Variants in LRRTM4 observed in about 807,000 individuals in gnomAD.
LRRTM4 encodes leucine-rich repeat transmembrane neuronal protein 4.
Under a neutral mutation model 47.6 loss-of-function variants are expected in LRRTM4, and 25 were observed. That is an observed-to-expected ratio of 0.53 (90% CI 0.38 to 0.73). The LOEUF is 0.73. LRRTM4 is among the 30% of genes least tolerant of loss of function. The probability of loss-of-function intolerance (pLI) is 0.00; values close to 1 mark genes in which losing one functional copy is unlikely to be tolerated. For synonymous variants in LRRTM4, 311 were observed against 269.5 expected, an observed-to-expected ratio of 1.15 and a Z score of -1.51; for missense variants, 638 against 713.4, an observed-to-expected ratio of 0.89 and a Z score of 1.20.
chr2:77,328,056 G>A (rs190517272), intron 3 of LRRTM4, among the ~76,000 whole-genome samples: 87 of 152,248 alleles, frequency 5.7e-4, no homozygotes, highest in Non-Finnish European at 1.1e-3. Context: ...ATCAAAATAC[G>A]TGTGTTGAGA....
chr2:77,232,589 G>A (rs778100554), intron 3 of LRRTM4, among the ~76,000 whole-genome samples: 2 of 152,090 alleles, frequency 1.3e-5, no homozygotes, highest in Admixed American at 6.5e-5. Flanking sequence ...ACTTTAATCC[G>A]AACTTCTTTG....
In LRRTM4 at chr2:76,756,300, G is replaced by A. The variant is rs145022860; in HGVS notation, c.1552-7384C>T. On this transcript the variant is annotated intron_variant, in intron 3 of 3. Transcript: ENST00000409884. ...CTATGACCTGTAAGCCCTGGCTTCC[G>A]TATATTCTGACTTTTTTGGGCCAAA... Among the ~76,000 whole-genome samples, 680 of 152,166 alleles carry A rather than the reference G, an allele frequency of 4.5e-3. 14 individuals are homozygous for A. In the South Asian group the frequency reaches 0.061, roughly 14 times the overall value.
chr2:77,193,393 A>G (rs2103883517), intron 3 of LRRTM4, among the ~76,000 whole-genome samples: 1 of 152,336 alleles, frequency 6.6e-6, no homozygotes, highest in South Asian at 2.1e-4. Flanking sequence ...ATTGTTGAAA[A>G]AATTTAAATA....
intron 3 of LRRTM4, among the ~76,000 whole-genome samples, chr2:77,418,395 C>T (rs1674731071): frequency 6.6e-6 from 1 of 152,058 alleles, no homozygotes; most frequent in Admixed American, 6.6e-5. Context: ...ATCAAAGATA[C>T]CTACAAATTT....
At chr2:76,771,382 C>A (rs563229299) in intron 3 of LRRTM4, among the ~76,000 whole-genome samples, 1 of 152,188 alleles carries the variant, frequency 6.6e-6, no homozygotes, top group Admixed American at 6.5e-5. Flanking sequence ...CAGAACTACT[C>A]CATCTGATTT....
intron 3 of LRRTM4, among the ~76,000 whole-genome samples, chr2:77,312,801 A>G (rs916490539): frequency 1.3e-5 from 2 of 152,202 alleles, no homozygotes; most frequent in African/African-American, 2.4e-5. Flanking sequence ...TCTAATTATG[A>G]TAGAGATTTG....
chr2:76,991,581 T>C (rs1677011291), intron 3 of LRRTM4, among the ~76,000 whole-genome samples: 1 of 151,598 alleles, frequency 6.6e-6, no homozygotes, highest in Non-Finnish European at 1.5e-5. Flanking sequence ...CAAAGATTGA[T>C]ACAGGAAGAA....
intron 3 of LRRTM4, among the ~76,000 whole-genome samples, chr2:77,004,909 T>G (rs1677578331): frequency 6.6e-6 from 1 of 152,204 alleles, no homozygotes; most frequent in African/African-American, 2.4e-5. Context: ...GATTTCTGAC[T>G]TGCATGGGGC....
Position 77,248,203 on chromosome 2 carries a change from A to T in LRRTM4, c.1551+270115T>A, listed in dbSNP as rs557912450. Among the ~76,000 whole-genome samples, 7 of 151,664 alleles carry T rather than the reference A, an allele frequency of 4.6e-5. No individual in the cohort carries two copies. The East Asian group carries it at 1.4e-3, about 29-fold the overall frequency. On this transcript the variant is annotated intron_variant, in intron 3 of 3. Coordinates refer to ENST00000409884, the MANE Select transcript of LRRTM4 (RefSeq NM_001134745.3). The stretch of plus-strand genomic sequence containing the variant: ...CATGTTTATAATAATATATGAATAC[A>T]AAATAATTGTGTGTTTTATGTGAGT...
chr2:76,811,957 AT>A (rs1670746856), intron 3 of LRRTM4, among the ~76,000 whole-genome samples: 1 of 152,150 alleles, frequency 6.6e-6, no homozygotes, highest in Non-Finnish European at 1.5e-5. Flanking sequence ...TACTTTTCTT[AT>A]GTTAAGCCCC....
chr2:76,793,998 T>C (rs1675119610), intron 3 of LRRTM4, among the ~76,000 whole-genome samples: 1 of 152,228 alleles, frequency 6.6e-6, no homozygotes, highest in Admixed American at 6.5e-5. Flanking sequence ...AATATTTTTC[T>C]GTGTGTCTCT....
chr2:77,499,145 G>A (rs1302156334), intron 3 of LRRTM4, among the ~76,000 whole-genome samples: 2 of 151,834 alleles, frequency 1.3e-5, no homozygotes. Flanking sequence ...AGACACCATT[G>A]GTTGTCATGA....
At chr2:76,761,752 C>T (rs1015256081) in intron 3 of LRRTM4, among the ~76,000 whole-genome samples, 5 of 151,908 alleles carry the variant, frequency 3.3e-5, no homozygotes, top group Non-Finnish European at 5.9e-5. Flanking sequence ...TTCCATCAAG[C>T]GATAAATTTA....
intron 3 of LRRTM4, among the ~76,000 whole-genome samples, chr2:77,411,451 CTTTT>C (rs138496739): frequency 0.045 from 5,198 of 115,610 alleles, 145 homozygotes; most frequent in East Asian, 0.17. Context: ...TCTCTTTCTT[CTTTT>C]TTTTTTTTTT....
At chr2:77,337,397 G>A (rs1671205124) in intron 3 of LRRTM4, among the ~76,000 whole-genome samples, 1 of 152,026 alleles carries the variant, frequency 6.6e-6, no homozygotes, top group Admixed American at 6.6e-5. Flanking sequence ...CATGGATTCA[G>A]GAAAGAGCCT....
intron 3 of LRRTM4, among the ~76,000 whole-genome samples, chr2:77,150,360 C>A (rs984728051): frequency 6.6e-6 from 1 of 151,806 alleles, no homozygotes; most frequent in Non-Finnish European, 1.5e-5. Flanking sequence ...TTCTTTTTAA[C>A]AAGGAGAATT....
intron 3 of LRRTM4, among the ~76,000 whole-genome samples, chr2:77,003,494 T>A (rs1168306025): frequency 6.6e-6 from 1 of 152,072 alleles, no homozygotes; most frequent in Non-Finnish European, 1.5e-5. Flanking sequence ...TCTCAAGAGA[T>A]CTGATGGTTT....
intron 3 of LRRTM4, among the ~76,000 whole-genome samples, chr2:77,140,215 C>T (rs1446729829): frequency 1.3e-5 from 2 of 152,170 alleles, no homozygotes; most frequent in Admixed American, 1.3e-4. Flanking sequence ...TGCTACCTGA[C>T]TTCAAACTAT....
At chr2:77,040,064 G>C (rs987439632) in intron 3 of LRRTM4, among the ~76,000 whole-genome samples, 3 of 151,132 alleles carry the variant, frequency 2.0e-5, no homozygotes, top group African/African-American at 7.3e-5. Flanking sequence ...TTATAAGACA[G>C]GTGGGTAGGC....
Sources: allele counts gnomAD v4.1 joint callset (sites outside exome capture counted in the v4.1 genomes callset), GRCh38; gene constraint gnomAD v4.1.1; transcripts MANE v1.5; gene names NCBI Gene and HGNC (gene_info 2026-07-23, HGNC 2026-07-21).